SAMD9: variants seen among roughly 807,000 people sequenced by gnomAD.
SAMD9 encodes the protein sterile alpha motif domain containing 9.
A neutral mutation model predicts 1.5 loss-of-function variants in SAMD9; 3 were observed. The observed-to-expected ratio is 2.05, with a 90% CI of 0.93 to 5.29. The LOEUF (loss-of-function observed/expected upper bound fraction) is 5.29. Among genes scored for constraint, SAMD9 ranks in the 30% most tolerant of loss-of-function variants. The probability of loss-of-function intolerance (pLI) is 0.02; values close to 1 mark genes in which losing one functional copy is unlikely to be tolerated. For synonymous variants in SAMD9, 635 were observed against 631.9 expected, an observed-to-expected ratio of 1.00 and a Z score of -0.07; for missense variants, 1,597 against 1,820.8, an observed-to-expected ratio of 0.88 and a Z score of 2.24.
chr7:93,101,289 G>A lies in SAMD9; in HGVS notation c.*39C>T, dbSNP rs778926999. On this transcript the variant is annotated 3_prime_UTR_variant, in exon 3 of 3. Coordinates refer to ENST00000379958, the MANE Select transcript of SAMD9 (RefSeq NM_017654.4). Reference sequence around the variant, plus strand: ...TCTTGAGTCCAAAAAAATTAAATGGGTACTGAGATCAAATTCTTGGAGGAA... The same window carrying A: ...TCTTGAGTCCAAAAAAATTAAATGGATACTGAGATCAAATTCTTGGAGGAA... The A allele has an allele frequency of 5.2e-6, 8 of 1,544,090 alleles. No homozygotes were observed. In the Admixed American group the frequency reaches 1.0e-4, roughly 19 times the overall value.
intron 2 of SAMD9, among the ~76,000 whole-genome samples, chr7:93,114,032 A>C (rs113651711): frequency 0.054 from 8,271 of 152,204 alleles, 403 homozygotes; most frequent in African/African-American, 0.13. Flanking sequence ...CACAATAGCA[A>C]AGACTTGGAA....
At chr7:93,114,189 T>C (rs867344531) in intron 2 of SAMD9, among the ~76,000 whole-genome samples, 1 of 151,636 alleles carries the variant, frequency 6.6e-6, no homozygotes, top group Non-Finnish European at 1.5e-5. Flanking sequence ...CTGAGCAAAG[T>C]GTTGCCAAGG....
At chr7:93,113,311 G>T (rs1420621785) in intron 2 of SAMD9, among the ~76,000 whole-genome samples, 1 of 152,154 alleles carries the variant, frequency 6.6e-6, no homozygotes, top group Non-Finnish European at 1.5e-5. Context: ...ATTCAAGATG[G>T]ATTAAAGACT....
At chr7:93,116,324 G>C (rs1320734767) in intron 1 of SAMD9, among the ~76,000 whole-genome samples, 6 of 152,200 alleles carry the variant, frequency 3.9e-5, no homozygotes, top group Non-Finnish European at 7.3e-5. Flanking sequence ...TCTCATATAA[G>C]AGTGTGGGGG....
intron 2 of SAMD9, among the ~76,000 whole-genome samples, chr7:93,114,368 C>CAGCA (rs1233171097): frequency 6.6e-6 from 1 of 151,928 alleles, no homozygotes; most frequent in African/African-American, 2.4e-5. Flanking sequence ...TTAATGGGTG[C>CAGCA]AGCACACCAA....
At chr7:93,111,744 C>G (rs1177181455) in intron 2 of SAMD9, among the ~76,000 whole-genome samples, 1 of 152,162 alleles carries the variant, frequency 6.6e-6, no homozygotes, top group East Asian at 1.9e-4. Flanking sequence ...TACACCCTCC[C>G]AAGACTAAAT....
Position 93,104,064 on chromosome 7 carries a change from T to G in SAMD9, c.2034A>C (p.Ser678=). The G allele has an allele frequency of 6.2e-7, 1 of 1,614,000 alleles. No individual in the cohort carries two copies. The highest frequency in any genetic ancestry group is 8.5e-7 in the Non-Finnish European group (1 of 1,179,882). Residue 678 remains serine, a synonymous_variant, in exon 3 of 3, where the codon TCA becomes TCC. Transcript: ENST00000379958. ...DKNKFLEFKA[S]KEEDFYRGGK... is the part of the protein sequence containing the mutation. ...CACCTCGATAGAAGTCTTCCTCTTT[T>G]GATGCCTTGAATTCAAGGAATTTAT...
Position 93,105,827 on chromosome 7 carries a change from G to GCTTT in SAMD9, c.267_270dup (p.Pro91LysfsTer4). 6.2e-7 allele frequency: 1 copy of GCTTT among 1,614,042 alleles called. No homozygotes were observed. The highest frequency in any genetic ancestry group is 1.1e-5 in the South Asian group (1 of 91,076). ...TGGTCTTTAGGAGCATTTTTACTGG[G>GCTTT]CTTTCCCATCTTAGATGTCTGAATC... On this transcript the variant is annotated frameshift_variant, in exon 3 of 3. Coordinates refer to ENST00000379958, the MANE Select transcript of SAMD9 (RefSeq NM_017654.4). LOFTEE classifies it low-confidence loss of function (END_TRUNC).
In SAMD9 at chr7:93,103,350, C is replaced by A. The variant is rs549974601; in HGVS notation, c.2748G>T (p.Lys916Asn). The A allele has an allele frequency of 1.2e-6, 2 of 1,613,408 alleles. No individual in the cohort carries two copies. Among genetic ancestry groups the A allele is most frequent in the Admixed American group, 3.3e-5 (2 of 59,910 alleles). Reference sequence around the variant, plus strand: ...TAAGAAGAGCCAGAAAAGAAAAGAGCTTTGCTTCCTTGGTGAAAATATTCT... The same window carrying A: ...TAAGAAGAGCCAGAAAAGAAAAGAGATTTGCTTCCTTGGTGAAAATATTCT... ...KGQNIFTKEAKLFSFLALLNS... is the reference protein window; with the variant it reads ...KGQNIFTKEANLFSFLALLNS... Residue 916 changes from lysine (K) to asparagine (N), a missense_variant, in exon 3 of 3, where the codon AAG becomes AAT. By Grantham distance (94) the Lys-to-Asn change is moderately conservative. This residue lies in a region of SAMD9 where 682 missense variants were observed against 810.0 expected (regional missense o/e 0.84). Coordinates refer to ENST00000379958, the MANE Select transcript of SAMD9 (RefSeq NM_017654.4).
At chr7:93,109,134 T>A (rs1791696404) in intron 2 of SAMD9, among the ~76,000 whole-genome samples, 1 of 152,154 alleles carries the variant, frequency 6.6e-6, no homozygotes, top group South Asian at 2.1e-4. Flanking sequence ...CAAAATGTGA[T>A]GTTCTGCAAT....
Position 93,101,935 on chromosome 7 carries a change from A to C in SAMD9, c.4163T>G (p.Phe1388Cys), listed in dbSNP as rs1305344933. ...GGAGAGAATAATGTTGGCCAAGATGAAATTTAGCTTTTCTTTTGACTGGAT... is the reference window on the plus strand; with the variant it reads ...GGAGAGAATAATGTTGGCCAAGATGCAATTTAGCTTTTCTTTTGACTGGAT... The part of the protein sequence containing the change: ...VKIQSKEKLN[F>C]ILANIILSCI... Residue 1388 changes from phenylalanine (F) to cysteine (C), a missense_variant, in exon 3 of 3, where the codon TTC becomes TGC. Physicochemically the swap from Phe to Cys is radical, Grantham distance 205. This residue lies in a region of SAMD9 where 682 missense variants were observed against 810.0 expected (regional missense o/e 0.84). Coordinates refer to ENST00000379958, the MANE Select transcript of SAMD9 (RefSeq NM_017654.4). 1 of 1,613,886 alleles carries C rather than the reference A, an allele frequency of 6.2e-7. No homozygotes were observed. The highest frequency in any genetic ancestry group is 8.5e-7 in the Non-Finnish European group (1 of 1,179,798).
chr7:93,104,094 G>A lies in SAMD9; in HGVS notation c.2004C>T (p.Asp668=). 2 of 1,613,804 alleles carry A rather than the reference G, an allele frequency of 1.2e-6. No individual in the cohort carries two copies. Among genetic ancestry groups the A allele is most frequent in the Non-Finnish European group, 1.7e-6 (2 of 1,179,788 alleles). The change falls in exon 3 of 3, where the codon GAC becomes GAT. Residue 668 remains aspartate (D), a synonymous_variant. Coordinates refer to ENST00000379958, the MANE Select transcript of SAMD9 (RefSeq NM_017654.4). Reference sequence around the variant, plus strand: ...CCTTGAATTCAAGGAATTTATTTTTGTCCTTCTCTAACAGTGTACCCTCAC... The same window carrying A: ...CCTTGAATTCAAGGAATTTATTTTTATCCTTCTCTAACAGTGTACCCTCAC... ...NECEGTLLEK[D]KNKFLEFKAS... is the part of the protein sequence containing the mutation.
Position 93,101,325 on chromosome 7 carries a change from C to G in SAMD9, c.*3G>C. On this transcript the variant is annotated 3_prime_UTR_variant, in exon 3 of 3. Transcript: ENST00000379958. ...AAATTCTTGGAGGAAGAATATCAGG[C>G]TCTTAAACAATTTCAATGTCATAAG... is the stretch of plus-strand genomic sequence containing the variant. 6.2e-7 allele frequency: 1 copy of G among 1,608,518 alleles called. No individual in the cohort carries two copies.
rs1791624857 is a variant in SAMD9, at chr7:93,105,587, T to C, written c.511A>G (p.Asn171Asp). The C allele has an allele frequency of 1.4e-5, 22 of 1,614,140 alleles. No homozygotes were observed. Among genetic ancestry groups the C allele is most frequent in the Non-Finnish European group, 1.8e-5 (21 of 1,180,018 alleles). Residue 171 changes from asparagine to aspartate, a missense_variant, in exon 3 of 3, where the codon AAT (asparagine) becomes GAT (aspartate). Asn to Asp is a conservative substitution (Grantham distance 23, BLOSUM62 1). Coordinates refer to ENST00000379958, the MANE Select transcript of SAMD9 (RefSeq NM_017654.4). ...AAATCCAACTTGTAACGATATGGAT[T>C]ACTGAATTCATCAAATGGATATGAT... ...CVSYPFDEFS[N>D]PYRYKLDFSL...
intron 1 of SAMD9, among the ~76,000 whole-genome samples, chr7:93,115,370 A>G (rs1791816932): frequency 6.6e-6 from 1 of 152,234 alleles, no homozygotes; most frequent in South Asian, 2.1e-4. Context: ...AATTCTCATG[A>G]AAATTATTAA....
chr7:93,101,960 T>C lies in SAMD9; in HGVS notation c.4138A>G (p.Ile1380Val). 6.2e-7 allele frequency: 1 copy of C among 1,613,830 alleles called. No homozygotes were observed. Among genetic ancestry groups the C allele is most frequent in the Non-Finnish European group, 8.5e-7 (1 of 1,179,780 alleles). Residue 1380 changes from isoleucine (I) to valine (V), a missense_variant, in exon 3 of 3, where the codon ATC becomes GTC. By Grantham distance (29) the Ile-to-Val change is conservative. This residue lies in a region of SAMD9 where 682 missense variants were observed against 810.0 expected (regional missense o/e 0.84). Coordinates refer to ENST00000379958, the MANE Select transcript of SAMD9 (RefSeq NM_017654.4). The part of the protein sequence containing the change: ...TFLLEQCTVK[I>V]QSKEKLNFIL... ...AAATTTAGCTTTTCTTTTGACTGGA[T>C]TTTGACAGTGCATTGTTCTAAGAGA...
rs757992368 is a variant in SAMD9 at position 93,101,433 on chromosome 7, G to A, written c.4665C>T (p.Pro1555=). ...CACTTCTAAGTTGACCTAAAAAAGC[G>A]GGAGTGATGGGTATTGTGATTTTTT... ...INEKITIPIT[P]AFLGQLRSGR... Residue 1555 remains proline (P), a synonymous_variant, in exon 3 of 3, where the codon CCC becomes CCT. Coordinates refer to ENST00000379958, the MANE Select transcript of SAMD9 (RefSeq NM_017654.4). 8.7e-6 allele frequency: 14 copies of A among 1,613,526 alleles called. No homozygotes were observed. The highest frequency in any genetic ancestry group is 8.3e-5 in the Admixed American group (5 of 59,974).
rs191994701 is a variant in SAMD9 at position 93,109,655 on chromosome 7, C to T, written c.-8-3550G>A. On this transcript the variant is annotated intron_variant, in intron 2 of 2. Coordinates refer to ENST00000379958, the MANE Select transcript of SAMD9 (RefSeq NM_017654.4). ...AAACCATGGCACAAGAACTACGTGA[C>T]GCATGCACAAGCTTCAGTAGCTGAT... Among the ~76,000 whole-genome samples the T allele has an allele frequency of 5.7e-4, 86 of 152,174 alleles. 1 individual carries two copies. The highest frequency in any genetic ancestry group is 2.4e-3 in the Admixed American group (37 of 15,290).
Position 93,104,283 on chromosome 7 carries a change from A to G in SAMD9, c.1815T>C (p.Cys605=). ...TCTCTTCAAGGCTTAAAGCAGAAATACATTGGCTTGAAATTTCATCTTGGT... is the reference window on the plus strand; with the variant it reads ...TCTCTTCAAGGCTTAAAGCAGAAATGCATTGGCTTGAAATTTCATCTTGGT... ...IKHQDEISSQ[C]ISALSLEEIN... Residue 605 remains cysteine, a synonymous_variant, in exon 3 of 3, where the codon TGT becomes TGC. Transcript: ENST00000379958. 1 of 1,613,528 alleles carries G rather than the reference A, an allele frequency of 6.2e-7. No individual in the cohort carries two copies.
Sources: gnomAD v4.1 joint callset for allele counts (sites outside exome capture counted in the v4.1 genomes callset) on GRCh38, gnomAD v4.1.1 for gene constraint, gnomAD v4.1.1 regional missense constraint, MANE v1.5 for transcripts, NCBI Gene and HGNC (gene_info 2026-07-23, HGNC 2026-07-21) for gene names.